The following ENPP2 variants were observed in gnomAD, a reference collection of about 807,000 sequenced individuals.
ENPP2 encodes the protein autotaxin.
Under a neutral mutation model 120.2 loss-of-function variants are expected in ENPP2, and 51 were observed. The ratio of observed to expected loss-of-function variants is 0.42; its 90% confidence interval spans 0.34 to 0.54. The LOEUF is 0.54. Among genes scored for constraint, ENPP2 ranks in the 20% least tolerant of loss-of-function variants. ENPP2 has a pLI of 0.04. For missense variants in ENPP2, 920 were observed against 1,066.5 expected (o/e 0.86, Z 1.91); for synonymous variants, 365 against 366.4 (o/e 1.00, Z 0.04).
At chr8:119,586,651 G>A (rs951027619) in intron 14 of ENPP2, among the ~76,000 whole-genome samples, 1 of 151,906 alleles carries the variant, frequency 6.6e-6, no homozygotes, top group African/African-American at 2.4e-5. Flanking sequence ...CGGTGGGAGG[G>A]GAGGAGCACA....
intron 22 of ENPP2, among the ~76,000 whole-genome samples, chr8:119,566,638 C>G (rs1814473476): frequency 1.3e-5 from 2 of 152,148 alleles, no homozygotes; most frequent in South Asian, 4.1e-4. Context: ...AAACCACCCC[C>G]CTCGTGGAGA....
At chr8:119,662,679 G>T (rs1486939433) in intron 1 of ENPP2, among the ~76,000 whole-genome samples, 2 of 152,112 alleles carry the variant, frequency 1.3e-5, no homozygotes, top group Non-Finnish European at 2.9e-5. Flanking sequence ...ACAAAACTTT[G>T]ACACGTGCTG....
At chr8:119,566,014 C>T (rs188410160) in intron 22 of ENPP2, among the ~76,000 whole-genome samples, 2 of 152,278 alleles carry the variant, frequency 1.3e-5, no homozygotes, top group East Asian at 3.9e-4. Flanking sequence ...CCCTATCACT[C>T]GCAAGACTTT....
intron 1 of ENPP2, among the ~76,000 whole-genome samples, chr8:119,657,500 G>A (rs1362111762): frequency 1.3e-5 from 2 of 152,126 alleles, no homozygotes; most frequent in South Asian, 2.1e-4. Context: ...TTTGTATGTC[G>A]AAGTCTGCCA....
intron 2 of ENPP2, among the ~76,000 whole-genome samples, chr8:119,630,919 A>G (rs1816619898): frequency 6.9e-6 from 1 of 145,092 alleles, no homozygotes; most frequent in Non-Finnish European, 1.5e-5. Flanking sequence ...TCTGAGACGG[A>G]GTTTTGCTCT....
intron 1 of ENPP2, among the ~76,000 whole-genome samples, chr8:119,650,135 C>T (rs989515261): frequency 1.4e-4 from 21 of 152,142 alleles, no homozygotes; most frequent in Non-Finnish European, 2.5e-4. Flanking sequence ...TATATCCATA[C>T]GGTGAAATAT....
chr8:119,618,003 C>A, intron 5 of ENPP2: 1 of 242,950 alleles, frequency 4.1e-6, no homozygotes, highest in South Asian at 5.0e-5. Flanking sequence ...ACCATTTAAC[C>A]ACAAGCCAGT....
chr8:119,644,662 A>G (rs1817390889), intron 1 of ENPP2, among the ~76,000 whole-genome samples: 3 of 145,296 alleles, frequency 2.1e-5, no homozygotes, highest in Admixed American at 7.0e-5. Context: ...AGATATATAT[A>G]TATATATACA....
chr8:119,606,345 T>C (rs1371459633), intron 9 of ENPP2, among the ~76,000 whole-genome samples: 1 of 152,146 alleles, frequency 6.6e-6, no homozygotes, highest in Non-Finnish European at 1.5e-5. Flanking sequence ...ACCAGAACAC[T>C]GGGCCTTTTC....
At chr8:119,659,493 T>G (rs943646268) in intron 1 of ENPP2, among the ~76,000 whole-genome samples, 7 of 152,196 alleles carry the variant, frequency 4.6e-5, no homozygotes, top group Non-Finnish European at 7.3e-5. Context: ...CATGCATTCA[T>G]GAGGCTTCAC....
intron 19 of ENPP2, among the ~76,000 whole-genome samples, chr8:119,577,662 G>A (rs1812435389): frequency 6.6e-6 from 1 of 152,186 alleles, no homozygotes; most frequent in African/African-American, 2.4e-5. Flanking sequence ...ACTAGGCCAT[G>A]AGCAGACTTA....
chr8:119,574,276 A>G (rs1812181263), intron 19 of ENPP2, among the ~76,000 whole-genome samples: 1 of 151,996 alleles, frequency 6.6e-6, no homozygotes, highest in Non-Finnish European at 1.5e-5. Context: ...CACAAAATGT[A>G]CTTGAATCTT....
chr8:119,620,812 G>A (rs1328883529), intron 4 of ENPP2, among the ~76,000 whole-genome samples: 1 of 152,136 alleles, frequency 6.6e-6, no homozygotes, highest in African/African-American at 2.4e-5. Flanking sequence ...GGAAATGCTG[G>A]CCCCCTCATC....
intron 13 of ENPP2, among the ~76,000 whole-genome samples, chr8:119,588,772 C>T (rs1249376566): frequency 2.6e-5 from 4 of 152,112 alleles, no homozygotes; most frequent in Admixed American, 1.3e-4. Flanking sequence ...AAGTAAATAG[C>T]ATGTACTCAG....
intron 1 of ENPP2, among the ~76,000 whole-genome samples, chr8:119,653,725 T>C (rs1011161007): frequency 2.0e-5 from 3 of 152,100 alleles, no homozygotes; most frequent in African/African-American, 7.2e-5. Flanking sequence ...AGGGATTTAA[T>C]CAGACAATGA....
intron 19 of ENPP2, chr8:119,572,738 G>C (rs1815108579): frequency 6.4e-6 from 1 of 157,088 alleles, no homozygotes; most frequent in African/African-American, 2.4e-5. Flanking sequence ...GTAGAATGGA[G>C]GTACTGGGCA....
At chr8:119,618,358 C>T (rs1815625725) in intron 5 of ENPP2, 3 of 472,472 alleles carry the variant, frequency 6.3e-6, no homozygotes, top group Admixed American at 2.2e-5. Flanking sequence ...GATCTGTCTT[C>T]CCCACAAAGA....
intron 19 of ENPP2, chr8:119,572,702 G>GC (rs1815104885): frequency 6.2e-6 from 1 of 160,912 alleles, no homozygotes; most frequent in East Asian, 1.7e-4. Flanking sequence ...AACATTGAGC[G>GC]CCTTGGTTGT....
intron 1 of ENPP2, among the ~76,000 whole-genome samples, chr8:119,653,749 A>G (rs1817689097): frequency 6.6e-6 from 1 of 152,116 alleles, no homozygotes; most frequent in Non-Finnish European, 1.5e-5. Context: ...GGTCCAATTT[A>G]TGTTTCAAAA....
Sources: allele counts gnomAD v4.1 joint callset (sites outside exome capture counted in the v4.1 genomes callset), GRCh38; gene constraint gnomAD v4.1.1; transcripts MANE v1.5; gene names NCBI Gene and HGNC (gene_info 2026-07-23, HGNC 2026-07-21).